The following COL11A1 variants were observed in gnomAD, a reference collection of about 807,000 sequenced individuals.
COL11A1 encodes collagen type XI alpha 1 chain, also known as collagen alpha-1(XI) chain.
Under a neutral mutation model 265.2 loss-of-function variants are expected in COL11A1, and 74 were observed. The ratio of observed to expected loss-of-function variants is 0.28; its 90% CI spans 0.23 to 0.34. The LOEUF is 0.34. COL11A1 is among the 10% of genes least tolerant of loss of function. The probability of loss-of-function intolerance (pLI) is 1.00; values close to 1 mark genes in which losing one functional copy is unlikely to be tolerated. For missense variants in COL11A1, 2,165 were observed against 2,263.6 expected (o/e 0.96, Z 0.88); for synonymous variants, 816 against 727.6 (o/e 1.12, Z -1.96).
intron 35 of COL11A1, among the ~76,000 whole-genome samples, chr1:102,976,629 T>A (rs116406307): frequency 0.014 from 2,059 of 152,118 alleles, 56 homozygotes; most frequent in African/African-American, 0.047. Context: ...ATCAAAATAG[T>A]TTCCAGGTGG....
At chr1:103,076,888 T>A (rs999152345) in intron 3 of COL11A1, among the ~76,000 whole-genome samples, 1 of 152,142 alleles carries the variant, frequency 6.6e-6, no homozygotes, top group African/African-American at 2.4e-5. Flanking sequence ...ATGGAATGAA[T>A]GTTCACTCAT....
chr1:103,012,400 T>A lies in COL11A1; in HGVS notation c.1629+13A>T. 1.2e-6 allele frequency: 2 copies of A among 1,609,918 alleles called. No individual in the cohort carries two copies. The highest frequency in any genetic ancestry group is 1.7e-6 in the Non-Finnish European group (2 of 1,176,372). ...AAATTTTAACATATATTATCTTTGT[T>A]GGGGTAACCTACCACAGGACCTGGT... On this transcript the variant is annotated intron_variant, in intron 14 of 66. Transcript: ENST00000370096.
intron 49 of COL11A1, among the ~76,000 whole-genome samples, chr1:102,919,393 A>T (rs1251234019): frequency 6.6e-6 from 1 of 151,846 alleles, no homozygotes; most frequent in African/African-American, 2.4e-5. Context: ...TTTAATTAAA[A>T]GAAATAAATT....
intron 63 of COL11A1, among the ~76,000 whole-genome samples, chr1:102,885,922 T>G (rs1393019431): frequency 2.0e-5 from 3 of 152,184 alleles, no homozygotes; most frequent in Non-Finnish European, 2.9e-5. Context: ...TTGATTAAGA[T>G]AAGAAGATTT....
chr1:103,068,031 A>T (rs1221245167), intron 4 of COL11A1, among the ~76,000 whole-genome samples: 2 of 151,682 alleles, frequency 1.3e-5, no homozygotes, highest in Non-Finnish European at 3.0e-5. Context: ...AGGAAATAAC[A>T]TCAGTAATAT....
intron 4 of COL11A1, among the ~76,000 whole-genome samples, chr1:103,065,957 T>G (rs1016124588): frequency 5.3e-5 from 8 of 152,104 alleles, no homozygotes; most frequent in African/African-American, 1.9e-4. Flanking sequence ...ATGTGAGTTG[T>G]GCATCAGAAA....
chr1:102,994,816 C>T (rs567585568), intron 28 of COL11A1, among the ~76,000 whole-genome samples: 32 of 152,046 alleles, frequency 2.1e-4, no homozygotes, highest in Admixed American at 1.8e-3. Flanking sequence ...CCTGAGACTG[C>T]GTAATTTATA....
intron 12 of COL11A1, among the ~76,000 whole-genome samples, 176 bp from the exon 13 acceptor site, chr1:103,014,770 C>G (rs1460819898): frequency 6.6e-6 from 1 of 152,034 alleles, no homozygotes; most frequent in Non-Finnish European, 1.5e-5. Flanking sequence ...CTTTCCATTT[C>G]TTCTGGAAGT....
At chr1:103,001,748 A>G in intron 24 of COL11A1, 177 bp downstream of exon 24, 1 of 638,470 alleles carries the variant, frequency 1.6e-6, no homozygotes, top group Admixed American at 2.8e-5. Flanking sequence ...TTCTCAGTTT[A>G]AGAACACATG....
rs574386463 is a variant in COL11A1, at chr1:102,892,607, G to C, written c.4303-2103C>G. Among the ~76,000 whole-genome samples the C allele has an allele frequency of 4.6e-5, 7 of 152,220 alleles. No individual in the cohort carries two copies. In the South Asian group the frequency reaches 1.5e-3, roughly 32 times the overall value. The stretch of plus-strand genomic sequence containing the variant: ...ATAGAGCTGCTGCATGAATGAGGAT[G>C]GGCCCTCCCTATTCTTTAGTTTCTG... On this transcript the variant is annotated intron_variant, in intron 57 of 66. Coordinates refer to ENST00000370096, the MANE Select transcript of COL11A1 (RefSeq NM_001854.4).
rs1369168022 is a variant in COL11A1, at chr1:103,031,196, C to A, written c.700G>T (p.Asp234Tyr). ...TCTGGACTATAATGCTCACAGTAGT[C>A]ATATGCTGCCTTGGGATCACCTGTG... ...LITGDPKAAY[D>Y]YCEHYSPDCD... The change falls in exon 5 of 67, where the codon GAC (aspartate) becomes TAC (tyrosine). Residue 234 changes from aspartate to tyrosine, a missense_variant. Physicochemically the swap from Asp to Tyr is radical, Grantham distance 160. Coordinates refer to ENST00000370096, the MANE Select transcript of COL11A1 (RefSeq NM_001854.4). 12 of 1,609,460 alleles carry A rather than the reference C, an allele frequency of 7.5e-6. No homozygotes were observed. Among genetic ancestry groups the A allele is most frequent in the South Asian group, 1.1e-5 (1 of 90,982 alleles).
At chr1:102,894,011 CTAAA>C (rs1476072698) in intron 57 of COL11A1, among the ~76,000 whole-genome samples, 13 of 151,994 alleles carry the variant, frequency 8.6e-5, no homozygotes, top group South Asian at 4.1e-4. Context: ...TGTGATAATA[CTAAA>C]TAATCTTTTT....
chr1:102,970,715 T>C (rs1264159082), intron 36 of COL11A1, among the ~76,000 whole-genome samples: 1 of 151,948 alleles, frequency 6.6e-6, no homozygotes, highest in Non-Finnish European at 1.5e-5. Flanking sequence ...AGCTTCTAAC[T>C]GACAAGAAGG....
In COL11A1 at chr1:102,940,334, C is replaced by G; in HGVS notation, c.3377G>C (p.Gly1126Ala). 1 of 1,613,324 alleles carries G rather than the reference C, an allele frequency of 6.2e-7. No individual in the cohort carries two copies. Among genetic ancestry groups the G allele is most frequent in the South Asian group, 1.1e-5 (1 of 91,078 alleles). Residue 1126 changes from glycine to alanine, a missense_variant, in exon 43 of 67, where the codon GGA becomes GCA. Transcript: ENST00000370096. ...CGAATAATGAATACCAACCTTGTCT[C>G]CGTCTTCCCCAGGGGAGCCGGCAGG... is the stretch of plus-strand genomic sequence containing the variant. ...AGPAGSPGEDGDKGEIGEPGQ... is the reference protein window; with the variant it reads ...AGPAGSPGEDADKGEIGEPGQ...
chr1:102,889,310 C>A (rs1651425666), intron 59 of COL11A1, 145 bp downstream of exon 59: 5 of 678,492 alleles, frequency 7.4e-6, no homozygotes, highest in East Asian at 2.7e-5. Flanking sequence ...ATAAAAATAT[C>A]TTTTTAAGAA....
chr1:102,960,454 T>G (rs916228738), intron 41 of COL11A1, among the ~76,000 whole-genome samples: 5 of 143,392 alleles, frequency 3.5e-5, no homozygotes, highest in African/African-American at 1.3e-4. Context: ...TTTCTAAAAA[T>G]GGAGATATAA....
intron 41 of COL11A1, among the ~76,000 whole-genome samples, chr1:102,955,944 G>A (rs1452271747): frequency 6.6e-6 from 1 of 152,088 alleles, no homozygotes; most frequent in African/African-American, 2.4e-5. Flanking sequence ...ATTGGCATCT[G>A]TTACCAGTTC....
chr1:102,961,185 A>G (rs1045199893), intron 41 of COL11A1, among the ~76,000 whole-genome samples: 1 of 152,180 alleles, frequency 6.6e-6, no homozygotes, highest in Admixed American at 6.6e-5. Context: ...CAGTGTGCAG[A>G]TAAGAATAAA....
intron 11 of COL11A1, among the ~76,000 whole-genome samples, chr1:103,016,766 G>A (rs1367410074): frequency 6.6e-6 from 1 of 151,854 alleles, no homozygotes. Flanking sequence ...TTCTGTACAA[G>A]TTTCAAGGAA....
Sources: allele counts gnomAD v4.1 joint callset (sites outside exome capture counted in the v4.1 genomes callset), GRCh38; gene constraint gnomAD v4.1.1; transcripts MANE v1.5; gene names NCBI Gene and HGNC (gene_info 2026-07-23, HGNC 2026-07-21).